SPPL3: variants seen among roughly 807,000 people sequenced by gnomAD.
SPPL3 encodes signal peptide peptidase-like 3.
In SPPL3, 5 loss-of-function variants were observed where a neutral mutation model predicts 42.4. The ratio of observed to expected loss-of-function variants is 0.12; its 90% CI spans 0.06 to 0.25. SPPL3 has a LOEUF of 0.25. Among genes scored for constraint, SPPL3 ranks in the 10% least tolerant of loss-of-function variants. The pLI, the probability that SPPL3 is intolerant of heterozygous loss-of-function variation, is 1.00. For missense variants in SPPL3, 235 were observed against 489.0 expected (o/e 0.48, Z 4.90); for synonymous variants, 195 against 181.8 (o/e 1.07, Z -0.58).
intron 1 of SPPL3, among the ~76,000 whole-genome samples, chr12:120,819,080 T>C (rs1307284160): frequency 6.6e-6 from 1 of 152,202 alleles, no homozygotes; most frequent in Non-Finnish European, 1.5e-5. Context: ...TTTACACAGA[T>C]GGATAGTTGG....
chr12:120,783,767 G>C lies in SPPL3; in HGVS notation c.311-15C>G, dbSNP rs771926237. The C allele has an allele frequency of 6.2e-7, 1 of 1,610,212 alleles. No individual in the cohort carries two copies. The highest frequency in any genetic ancestry group is 1.7e-5 in the Admixed American group (1 of 59,708). ...CGTTGCAAGAACTAGAGAAAGAAAA[G>C]GTATAATTTTTTAAAACAATTATAA... On this transcript the variant is annotated splice_polypyrimidine_tract_variant and intron_variant, in intron 4 of 10. Transcript: ENST00000353487.
In SPPL3 at chr12:120,834,676, ATTAGTAT is replaced by A. The variant is rs556073978; in HGVS notation, c.24-23797_24-23791del. On this transcript the variant is annotated intron_variant, in intron 1 of 10. Coordinates refer to ENST00000353487, the MANE Select transcript of SPPL3 (RefSeq NM_139015.5). ...AGAGATCAGCTGTGCTATTTTCACC[ATTAGTAT>A]GAAAACCAGTAAATGAAGGTCCTAT... Among the ~76,000 whole-genome samples the A allele has an allele frequency of 2.1e-3, 326 of 152,292 alleles. 1 individual carries two copies. Among genetic ancestry groups the A allele is most frequent in the African/African-American group, 7.5e-3 (311 of 41,542 alleles).
rs1874091339 is a variant in SPPL3 at position 120,904,312 on chromosome 12, C to T, written c.-445G>A. On this transcript the variant is annotated 5_prime_UTR_variant, in exon 1 of 11. Coordinates refer to ENST00000353487, the MANE Select transcript of SPPL3 (RefSeq NM_139015.5). Reference sequence around the variant, plus strand: ...CGGAGGCGGCGGCGACTGAGGGGGGCGCTAGGCGATGAGGCGAGGCCACTC... The same window carrying T: ...CGGAGGCGGCGGCGACTGAGGGGGGTGCTAGGCGATGAGGCGAGGCCACTC... The T allele has an allele frequency of 1.2e-5, 2 of 164,410 alleles. No homozygotes were observed. The highest frequency in any genetic ancestry group is 2.6e-5 in the Non-Finnish European group (2 of 77,076). 10.2% of individuals were successfully genotyped at this position (164,410 alleles called of 1,614,324 possible).
At chr12:120,780,386 T>C (rs1869485300) in intron 6 of SPPL3, among the ~76,000 whole-genome samples, 1 of 150,468 alleles carries the variant, frequency 6.6e-6, no homozygotes. Flanking sequence ...AGTTCAAGAG[T>C]TGGGTAAGCA....
intron 1 of SPPL3, among the ~76,000 whole-genome samples, chr12:120,897,387 C>A (rs1398642369): frequency 2.6e-5 from 4 of 152,184 alleles, no homozygotes; most frequent in Non-Finnish European, 5.9e-5. Context: ...ACCCAAACAA[C>A]ATTATCATAG....
Position 120,810,899 on chromosome 12 carries a change from G to A in SPPL3, c.24-13C>T, listed in dbSNP as rs1054682100. 15 of 1,606,676 alleles carry A rather than the reference G, an allele frequency of 9.3e-6. No individual in the cohort carries two copies. Among genetic ancestry groups the A allele is most frequent in the African/African-American group, 1.3e-5 (1 of 74,646 alleles). On this transcript the variant is annotated splice_polypyrimidine_tract_variant and intron_variant, in intron 1 of 10. Coordinates refer to ENST00000353487, the MANE Select transcript of SPPL3 (RefSeq NM_139015.5). ...CAGGGAATAGGCCCTAGAGAAATAA[G>A]AGGAAAAAAATTTAAATCACATGCA...
chr12:120,826,375 C>G (rs993230417), intron 1 of SPPL3, among the ~76,000 whole-genome samples: 1 of 151,886 alleles, frequency 6.6e-6, no homozygotes, highest in Non-Finnish European at 1.5e-5. Flanking sequence ...ACCTACCTGC[C>G]TTGCCCTCTA....
chr12:120,893,566 T>C (rs1873711411), intron 1 of SPPL3, among the ~76,000 whole-genome samples: 1 of 152,088 alleles, frequency 6.6e-6, no homozygotes, highest in South Asian at 2.1e-4. Context: ...CTTTATGACC[T>C]ACCCCTGATT....
At chr12:120,881,766 C>CG (rs1279453572) in intron 1 of SPPL3, among the ~76,000 whole-genome samples, 3 of 147,830 alleles carry the variant, frequency 2.0e-5, no homozygotes, top group Non-Finnish European at 4.5e-5. Flanking sequence ...AGATGAAGCT[C>CG]GGGGGGCATT....
At chr12:120,836,386 A>G (rs10849799) in intron 1 of SPPL3, among the ~76,000 whole-genome samples, 2 of 152,134 alleles carry the variant, frequency 1.3e-5, no homozygotes, top group Non-Finnish European at 2.9e-5. Context: ...CAGAGAAAGA[A>G]GCCTAGCAGA....
chr12:120,894,496 T>C (rs896771955), intron 1 of SPPL3, among the ~76,000 whole-genome samples: 1 of 152,220 alleles, frequency 6.6e-6, no homozygotes, highest in African/African-American at 2.4e-5. Flanking sequence ...GCACTGTACG[T>C]AGGTCACAAT....
chr12:120,904,104 C>A lies in SPPL3; in HGVS notation c.-237G>T. The A allele has an allele frequency of 6.4e-6, 2 of 313,802 alleles. No homozygotes were observed. The highest frequency in any genetic ancestry group is 1.2e-5 in the Non-Finnish European group (2 of 173,010). 19.4% of individuals were successfully genotyped at this position (313,802 alleles called of 1,614,324 possible). A position where few individuals can be genotyped will look rare whatever the true frequency, so the allele number is the denominator to read the frequency against. ...GGGCTCCGCTCTCGGCCTCCCTCACCCGCGGCGGCGGCGGCGGCTCCGCTG... is the reference window on the plus strand; with the variant it reads ...GGGCTCCGCTCTCGGCCTCCCTCACACGCGGCGGCGGCGGCGGCTCCGCTG... On this transcript the variant is annotated 5_prime_UTR_variant, in exon 1 of 11. Transcript: ENST00000353487.
intron 1 of SPPL3, among the ~76,000 whole-genome samples, chr12:120,888,840 G>A (rs1157199639): frequency 5.9e-5 from 9 of 152,230 alleles, no homozygotes; most frequent in Admixed American, 5.9e-4. Flanking sequence ...ACCGGGTCTT[G>A]CTTTGTCACC....
intron 1 of SPPL3, among the ~76,000 whole-genome samples, chr12:120,819,853 A>G (rs1434545250): frequency 6.6e-6 from 1 of 152,210 alleles, no homozygotes; most frequent in East Asian, 1.9e-4. Flanking sequence ...CTGGTGATGG[A>G]GAACACCATG....
At chr12:120,889,524 A>G (rs1382559463) in intron 1 of SPPL3, among the ~76,000 whole-genome samples, 1 of 152,258 alleles carries the variant, frequency 6.6e-6, no homozygotes, top group Non-Finnish European at 1.5e-5. Flanking sequence ...GGCACTGCCT[A>G]GAGAAGAGCT....
intron 1 of SPPL3, among the ~76,000 whole-genome samples, chr12:120,834,525 A>C (rs11615343): frequency 1.3e-5 from 2 of 152,150 alleles, no homozygotes; most frequent in Non-Finnish European, 2.9e-5. Context: ...GCAGAGGAGA[A>C]CCATGGATGT....
intron 1 of SPPL3, among the ~76,000 whole-genome samples, chr12:120,863,805 C>CT (rs34937059): frequency 1.5e-4 from 21 of 142,006 alleles, no homozygotes; most frequent in African/African-American, 5.2e-4. Flanking sequence ...CCACATTTAG[C>CT]TTTTTTTTTT....
intron 5 of SPPL3, 128 bp from the exon 6 acceptor site, chr12:120,782,895 C>G (rs932065870): frequency 1.6e-5 from 11 of 670,882 alleles, no homozygotes; most frequent in African/African-American, 1.6e-4. Flanking sequence ...ATCCAAAATA[C>G]CCAATCCTTT....
chr12:120,897,712 G>A (rs552540970), intron 1 of SPPL3, among the ~76,000 whole-genome samples: 1 of 152,258 alleles, frequency 6.6e-6, no homozygotes, highest in South Asian at 2.1e-4. Context: ...TACACAGCGA[G>A]ACTCCGTCTC....
Sources: allele counts gnomAD v4.1 joint callset (sites outside exome capture counted in the v4.1 genomes callset), GRCh38; gene constraint gnomAD v4.1.1; transcripts MANE v1.5; gene names NCBI Gene and HGNC (gene_info 2026-07-23, HGNC 2026-07-21).